AGBL4: variants seen among roughly 807,000 people sequenced by gnomAD.
AGBL4 encodes the protein AGBL carboxypeptidase 4.
In AGBL4, 58 loss-of-function variants were observed where a neutral mutation model predicts 66.4. The ratio of observed to expected loss-of-function variants is 0.87; its 90% CI spans 0.71 to 1.09. The LOEUF is 1.09. Ranked by LOEUF, AGBL4 falls within the 50% of genes least tolerant of loss-of-function variation. AGBL4 has a pLI of 0.00. For missense variants in AGBL4, 579 were observed against 631.0 expected, an observed-to-expected ratio of 0.92 and a Z score of 0.88; for synonymous variants, 234 against 222.9, an observed-to-expected ratio of 1.05 and a Z score of -0.44.
intron 4 of AGBL4, among the ~76,000 whole-genome samples, chr1:49,142,193 C>T (rs532826291): frequency 6.6e-5 from 10 of 152,210 alleles, no homozygotes; most frequent in African/African-American, 2.2e-4. Flanking sequence ...ACCATCTCCC[C>T]GCTCTCCCAC....
chr1:48,765,689 G>A (rs1363619869), intron 6 of AGBL4, among the ~76,000 whole-genome samples: 1 of 152,134 alleles, frequency 6.6e-6, no homozygotes, highest in Non-Finnish European at 1.5e-5. Flanking sequence ...CTTATGAATG[G>A]ATAACAAAAT....
intron 6 of AGBL4, among the ~76,000 whole-genome samples, chr1:48,824,352 A>G (rs561503327): frequency 1.6e-4 from 25 of 152,308 alleles, no homozygotes; most frequent in Middle Eastern, 3.4e-3. Flanking sequence ...TGAAGACTTA[A>G]CCTCTAATAA....
chr1:48,624,384 C>A (rs753098863), intron 9 of AGBL4, among the ~76,000 whole-genome samples: 1 of 152,110 alleles, frequency 6.6e-6, no homozygotes, highest in Non-Finnish European at 1.5e-5. Flanking sequence ...CCATTGAGTG[C>A]CTACTAAGTG....
intron 5 of AGBL4, among the ~76,000 whole-genome samples, chr1:48,946,121 G>A (rs1019674464): frequency 3.7e-4 from 57 of 152,058 alleles, no homozygotes; most frequent in Non-Finnish European, 5.1e-4. Context: ...TACTTCTCCC[G>A]TTACTCCTTC....
intron 3 of AGBL4, among the ~76,000 whole-genome samples, chr1:49,618,269 G>C (rs896762437): frequency 1.3e-5 from 2 of 152,236 alleles, no homozygotes; most frequent in East Asian, 1.9e-4. Context: ...GGGCATTTGA[G>C]TTGGTTCCAA....
At chr1:49,775,151 A>G (rs1644165366) in intron 2 of AGBL4, among the ~76,000 whole-genome samples, 2 of 152,180 alleles carry the variant, frequency 1.3e-5, no homozygotes, top group African/African-American at 4.8e-5. Flanking sequence ...ATATCATATA[A>G]TGTTTAAGAG....
chr1:48,662,144 C>T (rs1041087302), intron 7 of AGBL4, among the ~76,000 whole-genome samples: 1 of 152,180 alleles, frequency 6.6e-6, no homozygotes, highest in Admixed American at 6.5e-5. Flanking sequence ...TTGCACAGTG[C>T]TTGATAGTTT....
At chr1:48,740,471 G>A (rs1305834872) in intron 6 of AGBL4, among the ~76,000 whole-genome samples, 1 of 152,118 alleles carries the variant, frequency 6.6e-6, no homozygotes, top group African/African-American at 2.4e-5. Flanking sequence ...ATGAGTTTTT[G>A]AAATAAAACA....
intron 1 of AGBL4, among the ~76,000 whole-genome samples, chr1:49,895,114 ACGTGCTGAAAGAAAAAACTTTTAT>A (rs1649056226): frequency 6.6e-6 from 1 of 152,058 alleles, no homozygotes; most frequent in South Asian, 2.1e-4. Flanking sequence ...GACATATTTA[ACGTGCTGAAAGAAAAAACTTTTAT>A]CCTAGAATAG....
intron 3 of AGBL4, among the ~76,000 whole-genome samples, chr1:49,688,540 G>A (rs1229288339): frequency 6.6e-6 from 1 of 152,116 alleles, no homozygotes; most frequent in Admixed American, 6.6e-5. Flanking sequence ...CAATATACAT[G>A]ACATTGCAAA....
intron 1 of AGBL4, among the ~76,000 whole-genome samples, chr1:50,017,882 A>C (rs1662113188): frequency 6.6e-6 from 1 of 152,178 alleles, no homozygotes; most frequent in African/African-American, 2.4e-5. Context: ...CCATGAGCCT[A>C]AAATAAAAGT....
intron 8 of AGBL4, among the ~76,000 whole-genome samples, chr1:48,647,101 C>G (rs1056004161): frequency 6.6e-6 from 1 of 152,184 alleles, no homozygotes; most frequent in Non-Finnish European, 1.5e-5. Context: ...CTGGAGCATC[C>G]TTTGCTACAT....
chr1:48,608,703 G>A (rs1198797452), intron 9 of AGBL4, among the ~76,000 whole-genome samples: 2 of 152,014 alleles, frequency 1.3e-5, no homozygotes, highest in Non-Finnish European at 2.9e-5. Context: ...AGCTTTTTGT[G>A]TACTTCTGCT....
At chr1:49,656,851 A>G (rs899984346) in intron 3 of AGBL4, among the ~76,000 whole-genome samples, 1 of 152,180 alleles carries the variant, frequency 6.6e-6, no homozygotes, top group Admixed American at 6.5e-5. Context: ...TTGATGGGAC[A>G]TATCTCAAAA....
intron 6 of AGBL4, among the ~76,000 whole-genome samples, chr1:48,839,497 C>G (rs1158954684): frequency 1.3e-5 from 2 of 151,976 alleles, no homozygotes; most frequent in Non-Finnish European, 2.9e-5. Flanking sequence ...GTCACATGTT[C>G]TTACTTGTAT....
chr1:49,569,070 C>A (rs755950602), intron 3 of AGBL4, among the ~76,000 whole-genome samples: 1 of 152,178 alleles, frequency 6.6e-6, no homozygotes, highest in Non-Finnish European at 1.5e-5. Context: ...GAAATCTTGT[C>A]ATTTGCAACA....
intron 6 of AGBL4, among the ~76,000 whole-genome samples, chr1:48,769,669 T>C (rs1003716914): frequency 6.6e-6 from 1 of 152,104 alleles, no homozygotes; most frequent in Non-Finnish European, 1.5e-5. Flanking sequence ...AAGTCACTGT[T>C]CTTCTCTCAG....
At chr1:48,699,940 TTA>T (rs35066041) in intron 6 of AGBL4, among the ~76,000 whole-genome samples, 1 of 146,294 alleles carries the variant, frequency 6.8e-6, no homozygotes. Flanking sequence ...TAAATATACA[TTA>T]TATATATATA....
At position 49,878,831 on chromosome 1, in the gene AGBL4, A is replaced by C. The variant is rs534681055; in HGVS notation, c.35-27313T>G. ...TAGGTCACTCAGGACTTGCTTTATG[A>C]ATCTGGGTGCTCCTGTATTGGGTGC... On this transcript the variant is annotated intron_variant, in intron 1 of 13. Coordinates refer to ENST00000371839, the MANE Select transcript of AGBL4 (RefSeq NM_032785.4). Among the ~76,000 whole-genome samples, 9 of 130,516 alleles carry C rather than the reference A, an allele frequency of 6.9e-5. No homozygotes were observed. In the South Asian group the frequency reaches 1.4e-3, roughly 21 times the overall value. The allele number at this position is 130,516 out of a possible 152,430, so 85.6% of individuals were successfully genotyped here.
Sources: gnomAD v4.1 joint callset for allele counts (sites outside exome capture counted in the v4.1 genomes callset) on GRCh38, gnomAD v4.1.1 for gene constraint, MANE v1.5 for transcripts, NCBI Gene and HGNC (gene_info 2026-07-23, HGNC 2026-07-21) for gene names.